Variants in ARAP1 observed in about 807,000 individuals in gnomAD.
ARAP1 encodes the protein ArfGAP with RhoGAP domain, ankyrin repeat and PH domain 1.
ARAP1 carries 76 observed loss-of-function variants against 172.2 expected under a neutral mutation model. The ratio of observed to expected loss-of-function variants is 0.44; its 90% confidence interval spans 0.37 to 0.53. The LOEUF is 0.53. Among genes scored for constraint, ARAP1 ranks in the 20% least tolerant of loss-of-function variants. The pLI, the probability that ARAP1 is intolerant of heterozygous loss-of-function variation, is 0.00. For synonymous variants in ARAP1, 804 were observed against 803.3 expected (o/e 1.00, Z -0.01); for missense variants, 1,686 against 1,977.5 (o/e 0.85, Z 2.80).
chr11:72,703,570 C>T (rs1011053386), intron 14 of ARAP1, among the ~76,000 whole-genome samples: 3 of 152,230 alleles, frequency 2.0e-5, no homozygotes, highest in African/African-American at 7.2e-5. Context: ...GGAGGCCTGA[C>T]TCCCACCGGG....
chr11:72,733,235 T>C (rs1416556087), intron 1 of ARAP1, among the ~76,000 whole-genome samples: 1 of 151,964 alleles, frequency 6.6e-6, no homozygotes, highest in Non-Finnish European at 1.5e-5. Flanking sequence ...CTGGGATGTG[T>C]GTAGGGGCAG....
At chr11:72,694,634 G>A (rs1366296557) in intron 27 of ARAP1, among the ~76,000 whole-genome samples, 2 of 152,082 alleles carry the variant, frequency 1.3e-5, no homozygotes, top group African/African-American at 4.8e-5. Context: ...GACTGTGTGT[G>A]TGGCTCCCTA....
intron 30 of ARAP1, among the ~76,000 whole-genome samples, chr11:72,691,045 C>A (rs1025554865): frequency 3.9e-5 from 6 of 152,232 alleles, no homozygotes; most frequent in Non-Finnish European, 8.8e-5. Context: ...CACCACCTAC[C>A]CTGTGCTGAG....
intron 3 of ARAP1, among the ~76,000 whole-genome samples, chr11:72,721,224 A>G (rs1015676315): frequency 1.3e-5 from 2 of 152,216 alleles, no homozygotes; most frequent in African/African-American, 4.8e-5. Context: ...AGCCAAGCAC[A>G]GGATTGTTGA....
At chr11:72,716,343 G>A (rs1001839919) in intron 3 of ARAP1, among the ~76,000 whole-genome samples, 1 of 152,212 alleles carries the variant, frequency 6.6e-6, no homozygotes, top group Admixed American at 6.5e-5. Context: ...TTCTCCAGGT[G>A]TAGATAAAAG....
chr11:72,720,201 C>T (rs1857452090), intron 3 of ARAP1, among the ~76,000 whole-genome samples: 1 of 152,198 alleles, frequency 6.6e-6, no homozygotes, highest in Non-Finnish European at 1.5e-5. Flanking sequence ...ATCTGTGTCC[C>T]ACCCTGATGT....
chr11:72,718,013 A>AG (rs1281768556), intron 3 of ARAP1, among the ~76,000 whole-genome samples: 1 of 152,162 alleles, frequency 6.6e-6, no homozygotes, highest in Non-Finnish European at 1.5e-5. Context: ...GGAGAGGGAA[A>AG]CAGATGCAAA....
intron 11 of ARAP1, among the ~76,000 whole-genome samples, chr11:72,709,587 C>T (rs1047198453): frequency 6.6e-6 from 1 of 151,888 alleles, no homozygotes; most frequent in Admixed American, 6.5e-5. Context: ...GATAGTGGGG[C>T]AGGGGCAGTG....
rs1253237144 is a variant in ARAP1 at position 72,688,544 on chromosome 11, T to G, written c.3988-7A>C. ...CCTTCTCAGGCCGGTGACTCTGAGG[T>G]AGGGCAAGGAGAAGAGGGCACTTTA... On this transcript the variant is annotated splice_polypyrimidine_tract_variant and splice_region_variant and intron_variant, in intron 30 of 34. Transcript: ENST00000393609. The G allele has an allele frequency of 6.2e-7, 1 of 1,610,202 alleles. No individual in the cohort carries two copies. The highest frequency in any genetic ancestry group is 8.5e-7 in the Non-Finnish European group (1 of 1,178,234).
Position 72,710,462 on chromosome 11 carries a change from G to C in ARAP1, c.1339C>G (p.Leu447Val), listed in dbSNP as rs781720876. 4.3e-6 allele frequency: 7 copies of C among 1,614,002 alleles called. No individual in the cohort carries two copies. The highest frequency in any genetic ancestry group is 2.7e-5 in the African/African-American group (2 of 74,900). The stretch of plus-strand genomic sequence containing the variant: ...TTATTCTTGAAGCCACGAAGCTCCA[G>C]GCTGCCAGCGCGGTCAGGCTGCTCT... ...GSEQPDRAGS[L>V]ELRGFKNKLY... is the part of the protein sequence containing the mutation. Residue 447 changes from leucine to valine, a missense_variant, in exon 10 of 35, where the codon CTG (leucine) becomes GTG (valine). Leu to Val is a conservative substitution (Grantham distance 32, BLOSUM62 1). Around this residue, in one of 5 missense-constraint regions of ARAP1, gnomAD observed 688 missense variants for 856.9 expected, o/e 0.80. Coordinates refer to ENST00000393609, the MANE Select transcript of ARAP1 (RefSeq NM_001040118.3). The surrounding 1 kb of genome is among the most constrained non-coding windows in gnomAD (Gnocchi z 4.3).
chr11:72,691,883 TCAGA>T (rs1855947663), intron 30 of ARAP1, among the ~76,000 whole-genome samples: 1 of 152,142 alleles, frequency 6.6e-6, no homozygotes, highest in Non-Finnish European at 1.5e-5. Flanking sequence ...CTGTAAAACC[TCAGA>T]TGTTCAGACA....
rs1159912204 is a variant in ARAP1, at chr11:72,710,061, G to A, written c.1417-85C>T. 3 of 1,246,590 alleles carry A rather than the reference G, an allele frequency of 2.4e-6. No homozygotes were observed. The highest frequency in any genetic ancestry group is 1.5e-5 in the African/African-American group (1 of 67,506). The allele number at this position is 1,246,590 out of a possible 1,614,324, so 77.2% of individuals were successfully genotyped here. ...GACAGGGAGAGGAAGGGAAGGTGGT[G>A]CAACTCAGGGACTGGGGGGGGTGCC... On this transcript the variant is annotated intron_variant, in intron 10 of 34. Transcript: ENST00000393609. This position sits in a 1 kb window ranked among gnomAD's most constrained non-coding sequence, Gnocchi z 4.3.
intron 3 of ARAP1, among the ~76,000 whole-genome samples, chr11:72,718,254 G>A (rs1224170001): frequency 6.6e-6 from 1 of 152,064 alleles, no homozygotes; most frequent in Non-Finnish European, 1.5e-5. Context: ...GAAAACCCCA[G>A]GGAAAAGGCA....
At chr11:72,746,487 G>T (rs1433408483) in intron 1 of ARAP1, among the ~76,000 whole-genome samples, 1 of 152,194 alleles carries the variant, frequency 6.6e-6, no homozygotes, top group African/African-American at 2.4e-5. Flanking sequence ...AGCCCAACTC[G>T]AGGCTTTTTA....
At chr11:72,713,688 A>G (rs1045596637) in intron 4 of ARAP1, among the ~76,000 whole-genome samples, 12 of 152,108 alleles carry the variant, frequency 7.9e-5, no homozygotes, top group Non-Finnish European at 1.5e-4. Context: ...TCTACTAAAA[A>G]TACAAAAAAT....
At chr11:72,751,576 A>C (rs778443478) in intron 1 of ARAP1, among the ~76,000 whole-genome samples, 5 of 151,980 alleles carry the variant, frequency 3.3e-5, no homozygotes, top group African/African-American at 4.8e-5. Flanking sequence ...AATCCTTCCG[A>C]GTACCCCCAG....
rs76044354 is a variant in ARAP1, at chr11:72,715,316, T to C, written c.510-995A>G. Among the ~76,000 whole-genome samples, 830 of 152,334 alleles carry C rather than the reference T, an allele frequency of 5.4e-3. 10 individuals carry two copies. The highest frequency in any genetic ancestry group is 0.019 in the African/African-American group (794 of 41,582). On this transcript the variant is annotated intron_variant, in intron 3 of 34. Transcript: ENST00000393609. ...GCCCTGGAGGCCTGGCCCCACCAGC[T>C]GTCTCTGCCAGTGCCCTGCAGGGGC...
intron 29 of ARAP1, 75 bp from the exon 30 acceptor site, chr11:72,692,860 G>C: frequency 1.3e-6 from 2 of 1,585,796 alleles, no homozygotes; most frequent in Non-Finnish European, 1.7e-6. Flanking sequence ...GTGATGTGTG[G>C]GGTTGGGGTG....
chr11:72,693,230 C>T lies in ARAP1; in HGVS notation c.3954+95G>A, dbSNP rs938377247. On this transcript the variant is annotated intron_variant, in intron 29 of 34. Coordinates refer to ENST00000393609, the MANE Select transcript of ARAP1 (RefSeq NM_001040118.3). This position sits in a 1 kb window ranked among gnomAD's most constrained non-coding sequence, Gnocchi z 4.6. ...GCTGTGCCATCCTGAGAGCCTGTAA[C>T]GGGAATATTTCCACTTGCAGACCAA... 22 of 1,513,302 alleles carry T rather than the reference C, an allele frequency of 1.5e-5. No individual in the cohort carries two copies. The highest frequency in any genetic ancestry group is 3.8e-5 in the South Asian group (3 of 79,946). The allele number at this position is 1,513,302 out of a possible 1,614,324, so 93.7% of individuals were successfully genotyped here.
Sources: allele counts gnomAD v4.1 joint callset (sites outside exome capture counted in the v4.1 genomes callset), GRCh38; gene constraint gnomAD v4.1.1; regional missense constraint gnomAD v4.1.1; non-coding constraint Gnocchi (gnomAD v3.1); transcripts MANE v1.5; gene names NCBI Gene and HGNC (gene_info 2026-07-23, HGNC 2026-07-21).